Variants in PRDM5 observed in about 807,000 individuals in gnomAD.
The protein encoded by PRDM5 is PR domain zinc finger protein 5.
In PRDM5, 56 loss-of-function variants were observed where a neutral mutation model predicts 81.2. The ratio of observed to expected loss-of-function variants is 0.69; its 90% CI spans 0.56 to 0.86. The LOEUF (loss-of-function observed/expected upper bound fraction) is 0.86, where lower values mean the gene tolerates loss of function less well. Among genes scored for constraint, PRDM5 ranks in the 40% least tolerant of loss-of-function variants. The pLI, the probability that PRDM5 is intolerant of heterozygous loss-of-function variation, is 0.00. For synonymous variants in PRDM5, 267 were observed against 256.4 expected (o/e 1.04, Z -0.39); for missense variants, 697 against 770.1 (o/e 0.91, Z 1.12).
chr4:120,882,311 C>A (rs57023921), intron 2 of PRDM5, among the ~76,000 whole-genome samples: 11,224 of 152,224 alleles, frequency 0.074, 534 homozygotes, highest in Middle Eastern at 0.19. Flanking sequence ...CCACACCCAG[C>A]TAATTTTTGT....
rs747041753 is a variant in PRDM5, at chr4:120,818,510, C to T, written c.493G>A (p.Glu165Lys). 2.5e-6 allele frequency: 4 copies of T among 1,613,358 alleles called. No individual in the cohort carries two copies. The highest frequency in any genetic ancestry group is 3.4e-6 in the Non-Finnish European group (4 of 1,179,484). Residue 165 changes from glutamate (E) to lysine (K), a missense_variant, in exon 5 of 16, where the codon GAG becomes AAG. By Grantham distance (56) the Glu-to-Lys change is moderately conservative. Coordinates refer to ENST00000264808, the MANE Select transcript of PRDM5 (RefSeq NM_018699.4). ...TCACATTGAGGACAAGCATAGTCCT[C>T]TTTACAGCCAAGGCGATCTGCACAT... ...AGRKDRLGCK[E>K]DYACPQCESS...
chr4:120,858,047 G>A (rs566163113), intron 2 of PRDM5, among the ~76,000 whole-genome samples: 156 of 152,246 alleles, frequency 1.0e-3, no homozygotes, highest in African/African-American at 3.6e-3. Flanking sequence ...TGTAATGGCA[G>A]CAAATACAGT....
intron 14 of PRDM5, among the ~76,000 whole-genome samples, chr4:120,751,194 C>T (rs935630248): frequency 2.6e-5 from 4 of 152,032 alleles, no homozygotes; most frequent in African/African-American, 7.2e-5. Flanking sequence ...CAGGAATGAG[C>T]CACTGTGCCA....
chr4:120,837,810 C>A (rs142979644), intron 3 of PRDM5: 1 of 152,176 alleles, frequency 6.6e-6, no homozygotes, highest in East Asian at 1.9e-4. Context: ...CTTTTTGTTC[C>A]TGTCTACTGT....
chr4:120,854,664 AAAGTAAAC>A (rs1759666274), intron 2 of PRDM5, among the ~76,000 whole-genome samples: 1 of 152,152 alleles, frequency 6.6e-6, no homozygotes, highest in South Asian at 2.1e-4. Context: ...ATGGAACTTA[AAAGTAAAC>A]AAATGTAGAA....
intron 1 of PRDM5, among the ~76,000 whole-genome samples, chr4:120,907,875 T>C (rs1372974768): frequency 6.6e-6 from 1 of 152,228 alleles, no homozygotes; most frequent in African/African-American, 2.4e-5. Flanking sequence ...CAAGCGATGT[T>C]GAAAAAAGCA....
chr4:120,726,071 A>G (rs1270358593), intron 14 of PRDM5, among the ~76,000 whole-genome samples: 1 of 152,166 alleles, frequency 6.6e-6, no homozygotes, highest in Admixed American at 6.5e-5. Context: ...AGAGTGCTAC[A>G]GGGGCAGGGA....
intron 13 of PRDM5, among the ~76,000 whole-genome samples, chr4:120,755,043 T>C (rs1019157847): frequency 6.6e-5 from 10 of 152,230 alleles, no homozygotes; most frequent in African/African-American, 2.4e-4. Context: ...TGACACCTTG[T>C]TCTGTTTAAT....
chr4:120,917,999 T>C (rs1373607863), intron 1 of PRDM5, among the ~76,000 whole-genome samples: 1 of 152,206 alleles, frequency 6.6e-6, no homozygotes, highest in African/African-American at 2.4e-5. Context: ...TGCAGGTTTA[T>C]TGCAGGACTT....
chr4:120,734,921 C>G (rs1282569282), intron 14 of PRDM5, among the ~76,000 whole-genome samples: 1 of 152,156 alleles, frequency 6.6e-6, no homozygotes, highest in East Asian at 1.9e-4. Flanking sequence ...TGTCTTCTCC[C>G]CCAGACTCTG....
intron 10 of PRDM5, among the ~76,000 whole-genome samples, chr4:120,787,951 ATC>A (rs1482250715): frequency 7.9e-5 from 12 of 152,198 alleles, no homozygotes; most frequent in Non-Finnish European, 1.0e-4. Context: ...TAAAGATACT[ATC>A]TGTGATTAAT....
chr4:120,785,384 C>A (rs1317121320), intron 10 of PRDM5, among the ~76,000 whole-genome samples: 2 of 152,116 alleles, frequency 1.3e-5, no homozygotes, highest in East Asian at 1.9e-4. Flanking sequence ...TTTCTCAGGG[C>A]CTACTTTGTA....
chr4:120,839,950 C>A (rs545781748), intron 3 of PRDM5, among the ~76,000 whole-genome samples: 1 of 152,360 alleles, frequency 6.6e-6, no homozygotes, highest in Admixed American at 6.5e-5. Flanking sequence ...CCCAGCCAGG[C>A]TGTGACAGCA....
intron 14 of PRDM5, among the ~76,000 whole-genome samples, chr4:120,739,390 T>C (rs918116675): frequency 5.9e-5 from 9 of 152,206 alleles, no homozygotes; most frequent in South Asian, 2.1e-4. Context: ...TTCCAACTAA[T>C]GCACATTATG....
At chr4:120,852,051 T>C (rs1342255025) in intron 3 of PRDM5, among the ~76,000 whole-genome samples, 1 of 152,166 alleles carries the variant, frequency 6.6e-6, no homozygotes, top group African/African-American at 2.4e-5. Context: ...ATTCTTTTGG[T>C]CATCTGATCA....
intron 12 of PRDM5, among the ~76,000 whole-genome samples, chr4:120,777,924 G>C (rs1297687293): frequency 1.3e-5 from 2 of 152,108 alleles, no homozygotes; most frequent in Non-Finnish European, 2.9e-5. Context: ...ATGCTGGAGA[G>C]TTCAAAGAGA....
Position 120,909,159 on chromosome 4 carries a change from T to C in PRDM5, c.94-1602A>G, listed in dbSNP as rs552819531. On this transcript the variant is annotated intron_variant, in intron 1 of 15. Transcript: ENST00000264808. ...TTGATTAAGGTCAATCAGGTGGCGA[T>C]GATTAGACATAGTATCAGGAACCAG... Among the ~76,000 whole-genome samples the C allele has an allele frequency of 8.5e-5, 13 of 152,308 alleles. No individual in the cohort carries two copies. In the South Asian group the frequency reaches 2.5e-3, roughly 29 times the overall value.
At chr4:120,840,432 T>C (rs1339007890) in intron 3 of PRDM5, among the ~76,000 whole-genome samples, 2 of 152,044 alleles carry the variant, frequency 1.3e-5, no homozygotes, top group Non-Finnish European at 2.9e-5. Flanking sequence ...GACATGGCCC[T>C]GGGCAGCCCC....
intron 14 of PRDM5, among the ~76,000 whole-genome samples, chr4:120,721,064 G>A (rs143737704): frequency 6.6e-6 from 1 of 152,266 alleles, no homozygotes; most frequent in East Asian, 1.9e-4. Flanking sequence ...AAATGAAATG[G>A]CTGGGCAGCC....
Sources: gnomAD v4.1 joint callset for allele counts (sites outside exome capture counted in the v4.1 genomes callset) on GRCh38, gnomAD v4.1.1 for gene constraint, MANE v1.5 for transcripts, NCBI Gene and HGNC (gene_info 2026-07-23, HGNC 2026-07-21) for gene names.